Variants in CNTNAP2 observed in about 807,000 individuals in gnomAD.
CNTNAP2 encodes contactin associated protein 2, also known as contactin-associated protein-like 2.
CNTNAP2 carries 98 observed loss-of-function variants against 155.2 expected under a neutral mutation model. The observed-to-expected ratio is 0.63, with a 90% CI of 0.54 to 0.75. The LOEUF is 0.75. Among genes scored for constraint, CNTNAP2 ranks in the 30% least tolerant of loss-of-function variants. The pLI, the probability that CNTNAP2 is intolerant of heterozygous loss-of-function variation, is 0.00. For missense variants in CNTNAP2, 1,727 were observed against 1,688.1 expected (o/e 1.02, Z -0.40); for synonymous variants, 651 against 631.2 (o/e 1.03, Z -0.47).
intron 4 of CNTNAP2, among the ~76,000 whole-genome samples, chr7:147,048,766 G>C (rs967858228): frequency 2.0e-5 from 3 of 152,136 alleles, no homozygotes; most frequent in Non-Finnish European, 4.4e-5. Context: ...ATATTAGACA[G>C]TGCAGCTTAG....
intron 8 of CNTNAP2, among the ~76,000 whole-genome samples, chr7:147,176,674 TTATATAATATATAATAGAATTA>T (rs1193552508): frequency 7.8e-5 from 8 of 101,978 alleles, no homozygotes; most frequent in South Asian, 2.7e-4. Context: ...ATTCTGTATT[TTATATAATATATAATAGAATTA>T]TATATTATAT....
Position 146,188,314 on chromosome 7 carries a change from C to T in CNTNAP2, c.97+71341C>T, listed in dbSNP as rs149655768. Among the ~76,000 whole-genome samples, 8 of 152,140 alleles carry T rather than the reference C, an allele frequency of 5.3e-5. No individual in the cohort carries two copies. In the East Asian group the frequency reaches 9.7e-4, roughly 18 times the overall value. ...ATAGCATTTTTGGAACGTGAATTACCGTACATACCACTAACATAGAACTCA... is the reference window on the plus strand; with the variant it reads ...ATAGCATTTTTGGAACGTGAATTACTGTACATACCACTAACATAGAACTCA... On this transcript the variant is annotated intron_variant, in intron 1 of 23. Coordinates refer to ENST00000361727, the MANE Select transcript of CNTNAP2 (RefSeq NM_014141.6).
chr7:147,751,361 G>A (rs1212719580), intron 13 of CNTNAP2, among the ~76,000 whole-genome samples: 1 of 150,198 alleles, frequency 6.7e-6, no homozygotes, highest in Non-Finnish European at 1.5e-5. Context: ...GAGGAATTAG[G>A]TGGTTGACGT....
rs143901674 is a variant in CNTNAP2, at chr7:146,137,872, G to T, written c.97+20899G>T. Among the ~76,000 whole-genome samples, 804 of 151,654 alleles carry T rather than the reference G, an allele frequency of 5.3e-3. 5 individuals are homozygous for T. Among genetic ancestry groups the T allele is most frequent in the African/African-American group, 0.018 (760 of 41,438 alleles). On this transcript the variant is annotated intron_variant, in intron 1 of 23. Transcript: ENST00000361727. ...ATTTTAAAAATAAACATGTAGAAAA[G>T]AATTATATATACTTAATATTTAATT...
At chr7:146,378,668 C>T (rs1795339232) in intron 1 of CNTNAP2, among the ~76,000 whole-genome samples, 1 of 152,078 alleles carries the variant, frequency 6.6e-6, no homozygotes, top group Admixed American at 6.5e-5. Flanking sequence ...TACCCTTAGC[C>T]ATTGACTTAA....
chr7:148,157,300 G>A (rs12234730), intron 17 of CNTNAP2, among the ~76,000 whole-genome samples: 60 of 152,012 alleles, frequency 3.9e-4, no homozygotes, highest in Middle Eastern at 3.4e-3. Flanking sequence ...CAGCATAGAC[G>A]GAGGATAGGG....
At chr7:147,149,228 G>T (rs1381756053) in intron 8 of CNTNAP2, among the ~76,000 whole-genome samples, 4 of 152,138 alleles carry the variant, frequency 2.6e-5, no homozygotes, top group Non-Finnish European at 5.9e-5. Flanking sequence ...GTGCTGATTG[G>T]TGCATTTTTA....
intron 9 of CNTNAP2, among the ~76,000 whole-genome samples, chr7:147,388,664 T>G (rs1796660990): frequency 6.6e-6 from 1 of 151,948 alleles, no homozygotes; most frequent in South Asian, 2.1e-4. Flanking sequence ...CACTGCAACC[T>G]CCACCTCCCA....
chr7:148,007,759 G>A (rs139396711), intron 15 of CNTNAP2, among the ~76,000 whole-genome samples: 2 of 152,246 alleles, frequency 1.3e-5, no homozygotes, highest in Non-Finnish European at 2.9e-5. Context: ...AATGAAGTGT[G>A]TAAGAGTATT....
chr7:147,494,468 CAAAAA>C (rs10562874), intron 11 of CNTNAP2, among the ~76,000 whole-genome samples: 16 of 116,378 alleles, frequency 1.4e-4, no homozygotes, highest in South Asian at 3.2e-4. Flanking sequence ...TGAGTCTTGG[CAAAAA>C]AAAAAAAAAA....
intron 1 of CNTNAP2, among the ~76,000 whole-genome samples, chr7:146,500,371 A>C (rs955048332): frequency 6.6e-6 from 1 of 152,184 alleles, no homozygotes; most frequent in Non-Finnish European, 1.5e-5. Flanking sequence ...TGCCTGATAG[A>C]CTAAAAATTA....
intron 21 of CNTNAP2, among the ~76,000 whole-genome samples, chr7:148,380,583 T>C (rs1444808011): frequency 1.3e-5 from 2 of 152,178 alleles, no homozygotes; most frequent in Non-Finnish European, 2.9e-5. Context: ...TATAAAACAA[T>C]ATAGTCTATT....
At chr7:147,996,879 A>G (rs950376754) in intron 15 of CNTNAP2, among the ~76,000 whole-genome samples, 2 of 152,198 alleles carry the variant, frequency 1.3e-5, no homozygotes, top group Non-Finnish European at 2.9e-5. Context: ...TTGTCTTTCC[A>G]AAATTTATAT....
chr7:146,285,717 TCC>T (rs1800316351), intron 1 of CNTNAP2, among the ~76,000 whole-genome samples: 1 of 11,978 alleles, frequency 8.3e-5, no homozygotes, highest in African/African-American at 4.0e-4. Flanking sequence ...TCCCCTCCCC[TCC>T]CCTCCCTTCC....
chr7:148,027,773 A>T (rs1193865602), intron 15 of CNTNAP2, among the ~76,000 whole-genome samples: 1 of 152,226 alleles, frequency 6.6e-6, no homozygotes, highest in African/African-American at 2.4e-5. Flanking sequence ...AAAGGATTTC[A>T]TAGCCTTTCG....
chr7:147,558,452 C>A (rs945079190), intron 11 of CNTNAP2, among the ~76,000 whole-genome samples: 1 of 152,138 alleles, frequency 6.6e-6, no homozygotes, highest in African/African-American at 2.4e-5. Context: ...GTAGTGCCAG[C>A]GTCATTTGGG....
chr7:148,382,089 G>T (rs1183840030), intron 21 of CNTNAP2, among the ~76,000 whole-genome samples: 1 of 152,242 alleles, frequency 6.6e-6, no homozygotes, highest in African/African-American at 2.4e-5. Flanking sequence ...GAAAGCTAAA[G>T]AAGAGAGTGA....
intron 8 of CNTNAP2, among the ~76,000 whole-genome samples, chr7:147,187,035 C>T (rs1391519584): frequency 1.1e-5 from 1 of 93,906 alleles, no homozygotes; most frequent in Admixed American, 1.1e-4. Flanking sequence ...GTGGAAATCA[C>T]TTTGAAAAGC....
intron 1 of CNTNAP2, among the ~76,000 whole-genome samples, chr7:146,674,485 CTCTG>C (rs1800361948): frequency 6.8e-6 from 1 of 147,768 alleles, no homozygotes; most frequent in South Asian, 2.2e-4. Flanking sequence ...CCTGCTGAGC[CTCTG>C]TCTGGTGGAG....
Sources: gnomAD v4.1 joint callset for allele counts (sites outside exome capture counted in the v4.1 genomes callset) on GRCh38, gnomAD v4.1.1 for gene constraint, MANE v1.5 for transcripts, NCBI Gene and HGNC (gene_info 2026-07-23, HGNC 2026-07-21) for gene names.